Variants in ARHGAP22 observed in about 807,000 individuals in gnomAD.
The protein encoded by ARHGAP22 is rho GTPase-activating protein 22.
Under a neutral mutation model 59.1 loss-of-function variants are expected in ARHGAP22, and 48 were observed. That is an observed-to-expected ratio of 0.81 (90% confidence interval 0.64 to 1.03). The LOEUF is 1.03. Ranked by LOEUF, ARHGAP22 falls within the 50% of genes least tolerant of loss-of-function variation. The pLI is 0.00. For missense variants in ARHGAP22, 1,015 were observed against 958.7 expected (o/e 1.06, Z -0.78); for synonymous variants, 445 against 416.4 (o/e 1.07, Z -0.84).
At chr10:48,510,330 C>A (rs1476938120) in intron 3 of ARHGAP22, among the ~76,000 whole-genome samples, 4 of 152,222 alleles carry the variant, frequency 2.6e-5, no homozygotes, top group African/African-American at 9.6e-5. Flanking sequence ...GCAGCAGGAG[C>A]CTAGGTGGGA....
At chr10:48,642,694 T>C (rs1314087070) in intron 1 of ARHGAP22, among the ~76,000 whole-genome samples, 1 of 152,146 alleles carries the variant, frequency 6.6e-6, no homozygotes, top group East Asian at 1.9e-4. Context: ...ACTTCATGTC[T>C]AAAACACCAA....
chr10:48,512,648 T>A (rs1171415820), intron 3 of ARHGAP22, among the ~76,000 whole-genome samples: 1 of 152,180 alleles, frequency 6.6e-6, no homozygotes, highest in East Asian at 1.9e-4. Flanking sequence ...CACAACCTAG[T>A]GAGACATCCC....
At chr10:48,440,664 G>C in the ARHGAP22 span, among the ~76,000 whole-genome samples, 1 of 152,162 alleles carries the variant, frequency 6.6e-6, no homozygotes, top group South Asian at 2.1e-4. Context: ...CTGGAGTTTG[G>C]AATTGAAACA....
intron 4 of ARHGAP22, among the ~76,000 whole-genome samples, chr10:48,467,954 C>A (rs1201462299): frequency 1.3e-5 from 2 of 152,164 alleles, no homozygotes; most frequent in East Asian, 1.9e-4. Context: ...TAGGGTGAAA[C>A]AAGCCAGGCA....
chr10:48,487,654 C>T lies in ARHGAP22; in HGVS notation c.323-7890G>A, dbSNP rs188802905. On this transcript the variant is annotated intron_variant, in intron 3 of 9. Transcript: ENST00000249601. Reference sequence around the variant, plus strand: ...GGACTCGCCCTCAGACCCTCCATAACGGAATTCAGGCCTACTGACACCTTG... The same window carrying T: ...GGACTCGCCCTCAGACCCTCCATAATGGAATTCAGGCCTACTGACACCTTG... 2.3e-3 allele frequency among the ~76,000 whole-genome samples: 345 copies of T among 152,292 alleles called. 1 individual carries two copies. Among genetic ancestry groups the T allele is most frequent in the African/African-American group, 7.6e-3 (315 of 41,574 alleles).
intron 1 of ARHGAP22, among the ~76,000 whole-genome samples, chr10:48,610,375 C>T (rs935213010): frequency 3.3e-5 from 5 of 152,106 alleles, no homozygotes; most frequent in African/African-American, 1.2e-4. Context: ...GCTTGGAAAG[C>T]CCCTGGATTG....
At chr10:48,591,458 G>C (rs2059747954) in intron 1 of ARHGAP22, among the ~76,000 whole-genome samples, 1 of 152,182 alleles carries the variant, frequency 6.6e-6, no homozygotes, top group South Asian at 2.1e-4. Context: ...CAATGGGAGA[G>C]AGAGGAAATA....
At chr10:48,495,764 A>C (rs2050859506) in intron 3 of ARHGAP22, among the ~76,000 whole-genome samples, 1 of 152,266 alleles carries the variant, frequency 6.6e-6, no homozygotes. Context: ...ATTAGGTCAC[A>C]AAGAGACAGT....
chr10:48,643,764 A>AT (rs1554964584), intron 1 of ARHGAP22, among the ~76,000 whole-genome samples: 11,891 of 144,014 alleles, frequency 0.083, 612 homozygotes, highest in Middle Eastern at 0.16. Context: ...AAAAAAAAAA[A>AT]ATATATATAT....
At chr10:48,573,784 A>C (rs1268841179) in intron 2 of ARHGAP22, among the ~76,000 whole-genome samples, 1 of 152,254 alleles carries the variant, frequency 6.6e-6, no homozygotes, top group Non-Finnish European at 1.5e-5. Context: ...AAAAGTAGGA[A>C]CAAGAGGGCT....
chr10:48,446,361 G>A lies in ARHGAP22; in HGVS notation c.*30C>T, dbSNP rs1452088720. 6 of 1,608,480 alleles carry A rather than the reference G, an allele frequency of 3.7e-6. No individual in the cohort carries two copies. Among genetic ancestry groups the A allele is most frequent in the Admixed American group, 1.7e-5 (1 of 59,792 alleles). On this transcript the variant is annotated 3_prime_UTR_variant, in exon 10 of 10. Transcript: ENST00000249601. ...CATACAAGGCTGGAGACCAGCAGAC[G>A]TGGTACAGAAGTGAGCTCTGCCATT... is the stretch of plus-strand genomic sequence containing the variant.
chr10:48,528,347 C>G (rs2134885788), intron 3 of ARHGAP22, among the ~76,000 whole-genome samples: 1 of 152,330 alleles, frequency 6.6e-6, no homozygotes, highest in Admixed American at 6.5e-5. Flanking sequence ...ATCTTAGCCA[C>G]AAGCATAGCT....
chr10:48,488,358 T>C (rs568577937), intron 3 of ARHGAP22, among the ~76,000 whole-genome samples: 1 of 152,362 alleles, frequency 6.6e-6, no homozygotes, highest in African/African-American at 2.4e-5. Context: ...CTCAATTGAT[T>C]GCTTTTTATT....
chr10:48,529,350 C>A (rs1403374692), intron 3 of ARHGAP22, among the ~76,000 whole-genome samples: 1 of 152,208 alleles, frequency 6.6e-6, no homozygotes, highest in Non-Finnish European at 1.5e-5. Context: ...ATGTAATCCC[C>A]TCCCTCGAAT....
intron 3 of ARHGAP22, among the ~76,000 whole-genome samples, chr10:48,542,066 CT>C (rs1372355429): frequency 1.3e-5 from 2 of 152,170 alleles, no homozygotes; most frequent in Admixed American, 1.3e-4. Context: ...ATGCCCAGCC[CT>C]TGGAGAAGCC....
At chr10:48,647,374 CAA>C (rs1164449815) in intron 1 of ARHGAP22, among the ~76,000 whole-genome samples, 2 of 151,986 alleles carry the variant, frequency 1.3e-5, no homozygotes, top group African/African-American at 2.4e-5. Flanking sequence ...GTCTGGGCGA[CAA>C]GAGCAAAACT....
rs150911232 is a variant in ARHGAP22 at position 48,610,642 on chromosome 10, A to T, written c.53-27490T>A. On this transcript the variant is annotated intron_variant, in intron 1 of 9. Coordinates refer to the ARHGAP22 transcript ENST00000435790. ...TGCTGAGGTAAGAGTTTTTTTAGGG[A>T]TTAACATTTTGCTCAGGAAAGGAGG... is the stretch of plus-strand genomic sequence containing the variant. Among the ~76,000 whole-genome samples the T allele has an allele frequency of 1.6e-3, 241 of 152,148 alleles. 1 individual carries two copies. The highest frequency in any genetic ancestry group is 5.7e-3 in the African/African-American group (235 of 41,516).
At chr10:48,502,789 T>A (rs1291779097) in intron 3 of ARHGAP22, among the ~76,000 whole-genome samples, 1 of 152,240 alleles carries the variant, frequency 6.6e-6, no homozygotes, top group Non-Finnish European at 1.5e-5. Flanking sequence ...TGGTCTACCA[T>A]GTGCCAGACA....
chr10:48,567,158 C>T (rs10857598), intron 2 of ARHGAP22, among the ~76,000 whole-genome samples: 20,878 of 152,232 alleles, frequency 0.14, 1,623 homozygotes, highest in Admixed American at 0.23. Context: ...TGTGACTTGC[C>T]CTGAGTCACT....
Sources: allele counts gnomAD v4.1 joint callset (sites outside exome capture counted in the v4.1 genomes callset), GRCh38; gene constraint gnomAD v4.1.1; transcripts MANE v1.5; gene names NCBI Gene and HGNC (gene_info 2026-07-23, HGNC 2026-07-21).